The following PCDHGA1 variants were observed in gnomAD, a reference collection of about 807,000 sequenced individuals.
The protein encoded by PCDHGA1 is protocadherin gamma subfamily A, 1.
PCDHGA1 carries 32 observed loss-of-function variants against 58.0 expected under a neutral mutation model. The observed-to-expected ratio is 0.55, with a 90% CI of 0.42 to 0.74. The LOEUF (loss-of-function observed/expected upper bound fraction) is 0.74, where lower values mean the gene tolerates loss of function less well. PCDHGA1 is among the 30% of genes least tolerant of loss of function. The pLI, the probability that PCDHGA1 is intolerant of heterozygous loss-of-function variation, is 0.00. For synonymous variants in PCDHGA1, 498 were observed against 501.1 expected (o/e 0.99, Z 0.08); for missense variants, 1,205 against 1,182.3 (o/e 1.02, Z -0.28).
chr5:141,339,877 A>G (rs1449695914), intron 1 of PCDHGA1: 1 of 1,614,074 alleles, frequency 6.2e-7, no homozygotes, highest in Non-Finnish European at 8.5e-7. Flanking sequence ...GAGAACTGAC[A>G]ATCATAAAAG....
intron 1 of PCDHGA1, chr5:141,475,848 C>T (rs1562050268): frequency 4.4e-6 from 2 of 451,496 alleles, no homozygotes; most frequent in Non-Finnish European, 7.9e-6. Context: ...TCAGAGAGCC[C>T]GGCGCTAGCT....
At position 141,476,151 on chromosome 5, in the gene PCDHGA1, G is replaced by A; in HGVS notation, c.2422-18656G>A. Reference sequence around the variant, plus strand: ...GAGGCCTGGAGGAGCGGACTGGTAAGCACCGGGAGGGTAGTGGGAGTTTTG... The same window carrying A: ...GAGGCCTGGAGGAGCGGACTGGTAAACACCGGGAGGGTAGTGGGAGTTTTG... On this transcript the variant is annotated intron_variant, in intron 1 of 3. Transcript: ENST00000517417. This position sits in a 1 kb window ranked among gnomAD's most constrained non-coding sequence, Gnocchi z 7.6. 1 of 1,612,022 alleles carries A rather than the reference G, an allele frequency of 6.2e-7. No individual in the cohort carries two copies. Among genetic ancestry groups the A allele is most frequent in the Admixed American group, 1.7e-5 (1 of 60,014 alleles).
chr5:141,500,501 G>T (rs571735791), intron 2 of PCDHGA1, among the ~76,000 whole-genome samples: 6 of 152,176 alleles, frequency 3.9e-5, no homozygotes, highest in Non-Finnish European at 8.8e-5. Context: ...GAGCCACCGC[G>T]CCTGGCCGAG....
At chr5:141,412,561 T>G (rs1183372771) in intron 1 of PCDHGA1, 3 of 152,184 alleles carry the variant, frequency 2.0e-5, no homozygotes, top group Admixed American at 6.5e-5. Context: ...TCTCATGAGT[T>G]TATTTAATAT....
intron 1 of PCDHGA1, chr5:141,372,614 C>T: frequency 1.2e-6 from 2 of 1,613,984 alleles, no homozygotes; most frequent in East Asian, 4.5e-5. Context: ...CTGGAGTTCT[C>T]CCCACCTACA....
chr5:141,355,458 C>T lies in PCDHGA1; in HGVS notation c.2421+22353C>T, dbSNP rs1759862433. The T allele has an allele frequency of 3.1e-6, 5 of 1,614,050 alleles. No individual in the cohort carries two copies. The South Asian group carries it at 5.5e-5, about 18-fold the overall frequency. ...ACCCGCGCAGCGGCACCTTGGTCAC[C>T]GCGGGTAGGATAGACAGGGAGGAGC... On this transcript the variant is annotated intron_variant, in intron 1 of 3. Coordinates refer to ENST00000517417, the MANE Select transcript of PCDHGA1 (RefSeq NM_018912.3).
chr5:141,374,494 A>G (rs1307461844), intron 1 of PCDHGA1: 12 of 1,611,426 alleles, frequency 7.4e-6, no homozygotes, highest in Non-Finnish European at 9.3e-6. Context: ...TAAAGGAAGA[A>G]TTGGAAGTGA....
At chr5:141,393,876 C>A in intron 1 of PCDHGA1, 1 of 1,613,862 alleles carries the variant, frequency 6.2e-7, no homozygotes, top group Non-Finnish European at 8.5e-7. Context: ...TTTGTTTAGC[C>A]CAGTGTTAGA....
intron 1 of PCDHGA1, chr5:141,376,748 G>A (rs1210343016): frequency 4.3e-6 from 2 of 467,530 alleles, no homozygotes; most frequent in Non-Finnish European, 7.4e-6. Flanking sequence ...CTGCAGTGGC[G>A]CAATCTCGGC....
intron 1 of PCDHGA1, among the ~76,000 whole-genome samples, chr5:141,492,438 G>C (rs2099740636): frequency 6.6e-6 from 1 of 152,236 alleles, no homozygotes; most frequent in Non-Finnish European, 1.5e-5. Flanking sequence ...AGGAGTACTC[G>C]TAGCTGATTG....
At chr5:141,385,891 T>C (rs1366389515) in intron 1 of PCDHGA1, 2 of 152,892 alleles carry the variant, frequency 1.3e-5, no homozygotes, top group African/African-American at 4.8e-5. Flanking sequence ...AAGAATGAAA[T>C]GTGTGTGTAT....
chr5:141,509,421 A>T (rs939726886), intron 3 of PCDHGA1, among the ~76,000 whole-genome samples: 5 of 152,088 alleles, frequency 3.3e-5, no homozygotes, highest in Non-Finnish European at 1.5e-5. Context: ...AGCCCCAATG[A>T]GTCAAACTCT....
In PCDHGA1 at chr5:141,352,301, C is replaced by A. The variant is rs768790240; in HGVS notation, c.2421+19196C>A. ...CGACCGCCCTGAGCCCTCTGACCCCCAGACGGAACTGCAGTTTTACCTGGT... is the reference window on the plus strand; with the variant it reads ...CGACCGCCCTGAGCCCTCTGACCCCAAGACGGAACTGCAGTTTTACCTGGT... On this transcript the variant is annotated intron_variant, in intron 1 of 3. Transcript: ENST00000517417. 6 of 1,613,970 alleles carry A rather than the reference C, an allele frequency of 3.7e-6. No homozygotes were observed. The East Asian group carries it at 1.3e-4, about 36-fold the overall frequency.
intron 1 of PCDHGA1, among the ~76,000 whole-genome samples, chr5:141,353,307 A>G (rs2149774252): frequency 6.6e-6 from 1 of 152,340 alleles, no homozygotes; most frequent in African/African-American, 2.4e-5. Context: ...TTATAAATGT[A>G]TTTAGAGTTC....
intron 1 of PCDHGA1, chr5:141,366,337 T>C (rs370359448): frequency 2.7e-5 from 44 of 1,613,760 alleles, no homozygotes; most frequent in East Asian, 2.2e-5. Flanking sequence ...ACAGGATCCC[T>C]GACATCCTGG....
chr5:141,489,592 C>A lies in PCDHGA1; in HGVS notation c.2422-5215C>A, dbSNP rs747085985. On this transcript the variant is annotated intron_variant, in intron 1 of 3. Coordinates refer to ENST00000517417, the MANE Select transcript of PCDHGA1 (RefSeq NM_018912.3). The surrounding 1 kb of genome is among the most constrained non-coding windows in gnomAD (Gnocchi z 4.5). ...GACTGAACACCCCCTGGAGCTAATCCGTGTAGAGGTAGAGATCCTGGATCT... is the reference window on the plus strand; with the variant it reads ...GACTGAACACCCCCTGGAGCTAATCAGTGTAGAGGTAGAGATCCTGGATCT... 3 of 1,614,046 alleles carry A rather than the reference C, an allele frequency of 1.9e-6. No homozygotes were observed. Among genetic ancestry groups the A allele is most frequent in the Non-Finnish European group, 2.5e-6 (3 of 1,179,978 alleles).
At chr5:141,356,877 C>T in intron 1 of PCDHGA1, 1 of 1,614,196 alleles carries the variant, frequency 6.2e-7, no homozygotes, top group Admixed American at 1.7e-5. Context: ...ACGACAATGT[C>T]CCTGAGATCC....
intron 1 of PCDHGA1, among the ~76,000 whole-genome samples, chr5:141,458,248 G>A (rs173682): frequency 3.3e-5 from 5 of 152,112 alleles, no homozygotes; most frequent in African/African-American, 9.7e-5. Flanking sequence ...AAAATGATAC[G>A]GCTCTGATGA....
intron 1 of PCDHGA1, chr5:141,389,633 C>T: frequency 1.2e-6 from 2 of 1,613,016 alleles, no homozygotes; most frequent in Non-Finnish European, 1.7e-6. Flanking sequence ...CAGAGCCTGG[C>T]TACTTGGTGA....
Sources: gnomAD v4.1 joint callset for allele counts (sites outside exome capture counted in the v4.1 genomes callset) on GRCh38, gnomAD v4.1.1 for gene constraint, Gnocchi (gnomAD v3.1) non-coding constraint, MANE v1.5 for transcripts, NCBI Gene and HGNC (gene_info 2026-07-23, HGNC 2026-07-21) for gene names.